XPNPEP3: variants seen among roughly 807,000 people sequenced by gnomAD.
XPNPEP3 encodes the protein X-prolyl aminopeptidase 3.
XPNPEP3 carries 41 observed loss-of-function variants against 60.0 expected under a neutral mutation model. The ratio of observed to expected loss-of-function variants is 0.68; its 90% CI spans 0.53 to 0.89. The LOEUF is 0.89. XPNPEP3 is among the 40% of genes least tolerant of loss of function. XPNPEP3 has a pLI of 0.00. For synonymous variants in XPNPEP3, 212 were observed against 223.2 expected (o/e 0.95, Z 0.45); for missense variants, 598 against 638.9 (o/e 0.94, Z 0.69).
At chr22:40,871,287 A>C (rs2058004414) in intron 2 of XPNPEP3, among the ~76,000 whole-genome samples, 2 of 152,164 alleles carry the variant, frequency 1.3e-5, no homozygotes, top group South Asian at 4.1e-4. Flanking sequence ...CAGGAGGTCA[A>C]GGATGCAGTG....
At position 40,927,961 on chromosome 22, in the gene XPNPEP3, C is replaced by T. The variant is rs1434008942; in HGVS notation, c.*1526C>T. The T allele has an allele frequency of 2.6e-5, 4 of 152,000 alleles. No individual in the cohort carries two copies. Among genetic ancestry groups the T allele is most frequent in the Non-Finnish European group, 5.9e-5 (4 of 68,036 alleles). The allele number at this position is 152,000 out of a possible 1,614,324, so 9.4% of individuals were successfully genotyped here. A position where few individuals can be genotyped will look rare whatever the true frequency, so the allele number is the denominator to read the frequency against. On this transcript the variant is annotated 3_prime_UTR_variant, in exon 10 of 10. Coordinates refer to ENST00000357137, the MANE Select transcript of XPNPEP3 (RefSeq NM_022098.4). ...TCTATAGATTCTTAATGCACTGACC[C>T]TCACAGGTTACCCTTTTAGCTGTTG...
At chr22:40,910,541 CA>C (rs200598068) in intron 6 of XPNPEP3, among the ~76,000 whole-genome samples, 2 of 151,134 alleles carry the variant, frequency 1.3e-5, no homozygotes, top group Non-Finnish European at 2.9e-5. Context: ...CCTATCTCTA[CA>C]AAAAAATACA....
In XPNPEP3 at chr22:40,926,275, A is replaced by T. The variant is rs370875684; in HGVS notation, c.1364A>T (p.Tyr455Phe). The change falls in exon 10 of 10, where the codon TAT (tyrosine) becomes TTT (phenylalanine). Residue 455 changes from tyrosine (Y) to phenylalanine (F), a missense_variant. Coordinates refer to ENST00000357137, the MANE Select transcript of XPNPEP3 (RefSeq NM_022098.4). ...TCTTCTTTCTACTTCACAGGCATTT[A>T]TATTCCAGAGGATGACAAAGATGCC... is the stretch of plus-strand genomic sequence containing the variant. Reference protein sequence around the residue: ...GMVITIEPGIYIPEDDKDAPE... With the variant: ...GMVITIEPGIFIPEDDKDAPE... 9 of 1,614,132 alleles carry T rather than the reference A, an allele frequency of 5.6e-6. No individual in the cohort carries two copies. The highest frequency in any genetic ancestry group is 7.6e-6 in the Non-Finnish European group (9 of 1,180,016).
intron 7 of XPNPEP3, among the ~76,000 whole-genome samples, chr22:40,920,251 C>T (rs933550282): frequency 1.3e-5 from 2 of 151,984 alleles, no homozygotes; most frequent in African/African-American, 2.4e-5. Flanking sequence ...GCCTATAATC[C>T]CAGCTACTTG....
At chr22:40,868,855 A>G (rs2057991877) in intron 1 of XPNPEP3, 144 bp from the exon 2 acceptor site, 2 of 684,976 alleles carry the variant, frequency 2.9e-6, no homozygotes, top group Non-Finnish European at 5.1e-6. Flanking sequence ...TAAAAAAAAA[A>G]TAAATGAATA....
chr22:40,896,373 T>C (rs2058108118), intron 4 of XPNPEP3, among the ~76,000 whole-genome samples: 2 of 152,040 alleles, frequency 1.3e-5, no homozygotes, highest in Non-Finnish European at 2.9e-5. Context: ...ATATAAAATT[T>C]TATCATTTTA....
At chr22:40,908,493 G>C (rs2058164903) in intron 5 of XPNPEP3, among the ~76,000 whole-genome samples, 1 of 152,172 alleles carries the variant, frequency 6.6e-6, no homozygotes, top group Non-Finnish European at 1.5e-5. Context: ...ACTCCAGCCT[G>C]GGTGACAGCA....
intron 4 of XPNPEP3, among the ~76,000 whole-genome samples, chr22:40,897,081 G>C (rs977969577): frequency 8.9e-5 from 13 of 146,486 alleles, no homozygotes; most frequent in Non-Finnish European, 1.8e-4. Context: ...GCCCAGGCTG[G>C]AGTGCAGTGG....
At position 40,927,905 on chromosome 22, in the gene XPNPEP3, A is replaced by C. The variant is rs530322352; in HGVS notation, c.*1470A>C. ...AAAAAAAAAAAAAGAAAAAAAAAAG[A>C]AAGATTTCTTTCGCAGATATCCCTG... On this transcript the variant is annotated 3_prime_UTR_variant, in exon 10 of 10. Transcript: ENST00000357137. 1.1e-3 allele frequency: 164 copies of C among 152,056 alleles called. No individual in the cohort carries two copies. Among genetic ancestry groups the C allele is most frequent in the Non-Finnish European group, 1.9e-3 (129 of 68,258 alleles). 9.4% of individuals were successfully genotyped at this position (152,056 alleles called of 1,614,324 possible).
chr22:40,869,160 A>G (rs1727998772), intron 2 of XPNPEP3, 45 bp downstream of exon 2: 12 of 1,509,024 alleles, frequency 8.0e-6, no homozygotes, highest in Non-Finnish European at 1.1e-5. Context: ...GGTTCTGTCT[A>G]GAGCAATGCT....
chr22:40,867,478 G>T (rs1484260887), intron 1 of XPNPEP3, among the ~76,000 whole-genome samples: 1 of 151,962 alleles, frequency 6.6e-6, no homozygotes, highest in Non-Finnish European at 1.5e-5. Flanking sequence ...AGATTGTTTA[G>T]AAAAATCATA....
At chr22:40,909,540 G>A (rs1171670602) in intron 6 of XPNPEP3, among the ~76,000 whole-genome samples, 1 of 152,138 alleles carries the variant, frequency 6.6e-6, no homozygotes, top group Non-Finnish European at 1.5e-5. Context: ...CAAGGCGGGT[G>A]AATCGCTTGA....
rs543551986 is a variant in XPNPEP3, at chr22:40,931,408, A to G, written c.*4973A>G. The G allele has an allele frequency of 2.0e-5, 3 of 152,172 alleles. No homozygotes were observed. The highest frequency in any genetic ancestry group is 4.4e-5 in the Non-Finnish European group (3 of 68,022). 9.4% of individuals were successfully genotyped at this position (152,172 alleles called of 1,614,324 possible). ...ACAGACTGTGTTCTTTATTTGAAAC[A>G]CAACAGTATAAATACTATAGTAAAG... is the stretch of plus-strand genomic sequence containing the variant. On this transcript the variant is annotated 3_prime_UTR_variant, in exon 10 of 10. Transcript: ENST00000357137.
intron 7 of XPNPEP3, among the ~76,000 whole-genome samples, chr22:40,915,202 C>T (rs1022157055): frequency 7.2e-5 from 11 of 152,052 alleles, no homozygotes; most frequent in African/African-American, 2.7e-4. Flanking sequence ...AGGCACCCAC[C>T]ACCACGCCTG....
chr22:40,914,454 CTTA>C, intron 7 of XPNPEP3, 130 bp downstream of exon 7: 1 of 754,206 alleles, frequency 1.3e-6, no homozygotes, highest in Non-Finnish European at 2.3e-6. Flanking sequence ...TGCAAAGCTC[CTTA>C]TTATTTTCTA....
intron 1 of XPNPEP3, among the ~76,000 whole-genome samples, chr22:40,864,500 C>T (rs1287895180): frequency 6.6e-6 from 1 of 152,090 alleles, no homozygotes; most frequent in Non-Finnish European, 1.5e-5. Flanking sequence ...GGCTGGAGTG[C>T]AATGGTGGGG....
chr22:40,890,956 A>G (rs559662926), intron 4 of XPNPEP3, among the ~76,000 whole-genome samples: 1 of 152,126 alleles, frequency 6.6e-6, no homozygotes, highest in Non-Finnish European at 1.5e-5. Context: ...TATACTGTAT[A>G]TTATTTCTCA....
At chr22:40,872,639 TG>T (rs1463831907) in intron 2 of XPNPEP3, among the ~76,000 whole-genome samples, 1 of 151,946 alleles carries the variant, frequency 6.6e-6, no homozygotes, top group Non-Finnish European at 1.5e-5. Context: ...TTAGTAGAAA[TG>T]GGGTTTCACC....
intron 8 of XPNPEP3, among the ~76,000 whole-genome samples, chr22:40,922,834 G>A (rs1258422704): frequency 6.6e-6 from 1 of 152,106 alleles, no homozygotes; most frequent in Non-Finnish European, 1.5e-5. Context: ...AATCATCTTT[G>A]TGATCTATAA....
Sources: gnomAD v4.1 joint callset for allele counts (sites outside exome capture counted in the v4.1 genomes callset) on GRCh38, gnomAD v4.1.1 for gene constraint, MANE v1.5 for transcripts, NCBI Gene and HGNC (gene_info 2026-07-23, HGNC 2026-07-21) for gene names.